The following NFIA variants were observed in gnomAD, a reference collection of about 807,000 sequenced individuals.
NFIA encodes the protein nuclear factor 1 A-type.
Under a neutral mutation model 62.8 loss-of-function variants are expected in NFIA, and 8 were observed. The observed-to-expected ratio is 0.13, with a 90% CI of 0.07 to 0.23. NFIA has a LOEUF of 0.23. Among genes scored for constraint, NFIA ranks in the 10% least tolerant of loss-of-function variants. The probability of loss-of-function intolerance (pLI) is 1.00; values close to 1 mark genes in which losing one functional copy is unlikely to be tolerated. For missense variants in NFIA, 410 were observed against 642.1 expected (o/e 0.64, Z 3.91); for synonymous variants, 235 against 238.1 (o/e 0.99, Z 0.12).
intron 2 of NFIA, among the ~76,000 whole-genome samples, chr1:61,248,405 G>A (rs1655790302): frequency 6.6e-6 from 1 of 152,112 alleles, no homozygotes; most frequent in Non-Finnish European, 1.5e-5. Context: ...GCCCTGAGAG[G>A]TAGGGTTTCA....
intron 3 of NFIA, among the ~76,000 whole-genome samples, chr1:61,292,926 G>A (rs145685599): frequency 2.0e-5 from 3 of 152,236 alleles, no homozygotes; most frequent in African/African-American, 4.8e-5. Context: ...CCCCCAAGTC[G>A]TGCAATGCTC....
rs1418599546 is a variant in NFIA, at chr1:61,082,692, C to G, written c.-100C>G. On this transcript the variant is annotated 5_prime_UTR_variant, in exon 1 of 11. Transcript: ENST00000403491. ...CCCCCTTCTCTCTCTCTCTCTCTCT[C>G]TCTCTTCCTCTCTCCCTCTTTCTCC... 1.3e-6 allele frequency: 2 copies of G among 1,542,314 alleles called. No individual in the cohort carries two copies. The highest frequency in any genetic ancestry group is 2.0e-5 in the Admixed American group (1 of 50,008).
At chr1:61,399,143 A>AT (rs1569765221) in intron 7 of NFIA, among the ~76,000 whole-genome samples, 2 of 152,212 alleles carry the variant, frequency 1.3e-5, no homozygotes, top group East Asian at 3.8e-4. Flanking sequence ...CTGAAGACAG[A>AT]TAAGAAGGTT....
At chr1:61,140,346 ATT>A (rs780721575) in intron 2 of NFIA, among the ~76,000 whole-genome samples, 10 of 27,304 alleles carry the variant, frequency 3.7e-4, no homozygotes, top group Admixed American at 4.8e-4. Context: ...ATCTGGCTGT[ATT>A]TTTTTTTTTT....
At chr1:61,300,711 A>G (rs866336728) in intron 3 of NFIA, among the ~76,000 whole-genome samples, 1 of 151,950 alleles carries the variant, frequency 6.6e-6, no homozygotes, top group Non-Finnish European at 1.5e-5. Context: ...ATATGTGTAT[A>G]TATATGTATA....
intron 4 of NFIA, among the ~76,000 whole-genome samples, chr1:61,345,750 T>C (rs189611554): frequency 1.3e-5 from 2 of 152,294 alleles, no homozygotes; most frequent in East Asian, 3.9e-4. Context: ...GGGAACAGTT[T>C]CACTCCGAAA....
intron 2 of NFIA, among the ~76,000 whole-genome samples, chr1:61,226,398 C>G (rs1040241923): frequency 1.3e-5 from 2 of 152,190 alleles, no homozygotes; most frequent in African/African-American, 4.8e-5. Context: ...CTGTCCACAT[C>G]CATTATCCTA....
At chr1:61,240,447 A>G (rs2100644504) in intron 2 of NFIA, among the ~76,000 whole-genome samples, 1 of 152,124 alleles carries the variant, frequency 6.6e-6, no homozygotes, top group African/African-American at 2.4e-5. Context: ...CACCGTATTT[A>G]TGATTTAACT....
At chr1:61,419,899 G>GT (rs1483101871) in intron 9 of NFIA, among the ~76,000 whole-genome samples, 1 of 152,186 alleles carries the variant, frequency 6.6e-6, no homozygotes, top group Admixed American at 6.5e-5. Flanking sequence ...AGGGTTGTGA[G>GT]TTTTTGTTGT....
intron 3 of NFIA, among the ~76,000 whole-genome samples, chr1:61,308,257 T>C (rs1487502904): frequency 6.6e-6 from 1 of 152,196 alleles, no homozygotes; most frequent in Non-Finnish European, 1.5e-5. Context: ...AAGCAGGTGA[T>C]GATGACAGTC....
intron 2 of NFIA, among the ~76,000 whole-genome samples, chr1:61,202,713 T>G (rs1029574409): frequency 6.6e-6 from 1 of 152,236 alleles, no homozygotes; most frequent in African/African-American, 2.4e-5. Context: ...TCCACCCTTA[T>G]GTTTTATTTA....
At chr1:61,393,503 G>T (rs1020398683) in intron 7 of NFIA, among the ~76,000 whole-genome samples, 1 of 151,488 alleles carries the variant, frequency 6.6e-6, no homozygotes, top group Non-Finnish European at 1.5e-5. Context: ...TTAGGGAAGG[G>T]CCTACTCCTG....
At chr1:61,164,840 T>A (rs1557608638) in intron 2 of NFIA, among the ~76,000 whole-genome samples, 1 of 152,148 alleles carries the variant, frequency 6.6e-6, no homozygotes, top group Non-Finnish European at 1.5e-5. Flanking sequence ...TAGTGAACAG[T>A]TGCTGTCTGG....
chr1:61,163,738 T>G (rs1649377767), intron 2 of NFIA, among the ~76,000 whole-genome samples: 1 of 152,168 alleles, frequency 6.6e-6, no homozygotes, highest in Non-Finnish European at 1.5e-5. Flanking sequence ...ACTTTGTTGG[T>G]TTTAATGGTG....
At chr1:61,375,703 T>C (rs1664117551) in intron 6 of NFIA, among the ~76,000 whole-genome samples, 2 of 152,268 alleles carry the variant, frequency 1.3e-5, no homozygotes, top group South Asian at 4.1e-4. Context: ...CTCTGAGTCA[T>C]GGCTTTCTGC....
In NFIA at chr1:61,164,636, A is replaced by T. The variant is rs183125732; in HGVS notation, c.559+75956A>T. 9.0e-3 allele frequency among the ~76,000 whole-genome samples: 1,367 copies of T among 151,750 alleles called. 19 individuals are homozygous for T. The highest frequency in any genetic ancestry group is 0.01 in the Non-Finnish European group (707 of 67,900). ...CGCCACGCCCGGCTAATTTTTTTGT[A>T]TTTTTAGTAGAGATGGGGTTTCACC... On this transcript the variant is annotated intron_variant, in intron 2 of 10. Coordinates refer to ENST00000403491, the MANE Select transcript of NFIA (RefSeq NM_001134673.4).
intron 3 of NFIA, among the ~76,000 whole-genome samples, chr1:61,298,092 G>C (rs1659287364): frequency 6.6e-6 from 1 of 152,174 alleles, no homozygotes; most frequent in African/African-American, 2.4e-5. Flanking sequence ...CATGTCGAGG[G>C]AGGAGGGAGC....
intron 10 of NFIA, among the ~76,000 whole-genome samples, chr1:61,437,911 G>A (rs562841890): frequency 1.3e-5 from 2 of 152,168 alleles, no homozygotes; most frequent in Non-Finnish European, 2.9e-5. Context: ...GAGTCTAGTC[G>A]TGAATAAATA....
intron 9 of NFIA, among the ~76,000 whole-genome samples, chr1:61,410,991 A>G (rs1032533627): frequency 3.3e-5 from 5 of 151,892 alleles, no homozygotes; most frequent in African/African-American, 9.7e-5. Flanking sequence ...CTAGACCTCA[A>G]CTCCCTTATG....
Sources: gnomAD v4.1 joint callset for allele counts (sites outside exome capture counted in the v4.1 genomes callset) on GRCh38, gnomAD v4.1.1 for gene constraint, MANE v1.5 for transcripts, NCBI Gene and HGNC (gene_info 2026-07-23, HGNC 2026-07-21) for gene names.